SIL1: variants seen among roughly 807,000 people sequenced by gnomAD.
SIL1 encodes the protein nucleotide exchange factor SIL1.
SIL1 carries 40 observed loss-of-function variants against 49.1 expected under a neutral mutation model. That is an observed-to-expected ratio of 0.81 (90% CI 0.63 to 1.06). The LOEUF (loss-of-function observed/expected upper bound fraction) is 1.06. SIL1 is among the 50% of genes least tolerant of loss of function. SIL1 has a pLI of 0.00. For synonymous variants in SIL1, 253 were observed against 250.8 expected (o/e 1.01, Z -0.08); for missense variants, 500 against 572.6 (o/e 0.87, Z 1.29).
At chr5:139,102,154 G>A (rs895780105) in intron 3 of SIL1, among the ~76,000 whole-genome samples, 1 of 152,198 alleles carries the variant, frequency 6.6e-6, no homozygotes, top group South Asian at 2.1e-4. Context: ...TAAGAATTAA[G>A]TATAATTTGG....
chr5:139,043,212 G>T (rs1265636256), intron 4 of SIL1, among the ~76,000 whole-genome samples: 1 of 152,210 alleles, frequency 6.6e-6, no homozygotes, highest in African/African-American at 2.4e-5. Flanking sequence ...GGAAGCAATG[G>T]CATGGGGCAG....
At position 138,995,189 on chromosome 5, in the gene SIL1, T is replaced by G. The variant is rs181409103; in HGVS notation, c.767+25982A>C. On this transcript the variant is annotated intron_variant, in intron 7 of 9. Coordinates refer to ENST00000394817, the MANE Select transcript of SIL1 (RefSeq NM_022464.5). The stretch of plus-strand genomic sequence containing the variant: ...GGGATACATGTGCTATTTATTACAT[T>G]CATATAATTTGTAAATATCAAATCA... Among the ~76,000 whole-genome samples, 61 of 152,318 alleles carry G rather than the reference T, an allele frequency of 4.0e-4. No homozygotes were observed. The East Asian group carries it at 0.012, about 29-fold the overall frequency.
chr5:138,977,666 C>G (rs1302393093), intron 7 of SIL1, among the ~76,000 whole-genome samples: 1 of 152,096 alleles, frequency 6.6e-6, no homozygotes, highest in Non-Finnish European at 1.5e-5. Flanking sequence ...AAATGTAAAT[C>G]AGATCTTGTT....
chr5:139,134,114 T>A (rs1434185454), intron 1 of SIL1, among the ~76,000 whole-genome samples: 1 of 152,176 alleles, frequency 6.6e-6, no homozygotes. Flanking sequence ...CATTTTTTTA[T>A]TAGTTGTTTT....
chr5:139,174,682 A>C (rs745346219), intron 1 of SIL1, among the ~76,000 whole-genome samples: 7 of 152,046 alleles, frequency 4.6e-5, no homozygotes, highest in Non-Finnish European at 7.4e-5. Context: ...CTCAGCCTGT[A>C]ATCCCAGCAC....
At chr5:139,132,660 G>A (rs554541870) in intron 1 of SIL1, among the ~76,000 whole-genome samples, 1 of 152,302 alleles carries the variant, frequency 6.6e-6, no homozygotes, top group African/African-American at 2.4e-5. Flanking sequence ...GGCATCCAGA[G>A]AGCAAGAGCA....
intron 1 of SIL1, among the ~76,000 whole-genome samples, chr5:139,171,222 G>A (rs1406138852): frequency 1.6e-4 from 25 of 152,274 alleles, no homozygotes; most frequent in East Asian, 5.8e-4. Flanking sequence ...CATTGAGAAC[G>A]GGCCGGGATG....
chr5:139,064,971 C>T (rs1207389862), intron 3 of SIL1, among the ~76,000 whole-genome samples: 1 of 152,180 alleles, frequency 6.6e-6, no homozygotes, highest in Non-Finnish European at 1.5e-5. Context: ...GCTCTTGCCT[C>T]TCTGTGACTT....
intron 3 of SIL1, among the ~76,000 whole-genome samples, chr5:139,083,122 G>A (rs1016338858): frequency 6.6e-6 from 1 of 152,156 alleles, no homozygotes; most frequent in Non-Finnish European, 1.5e-5. Context: ...CCTGAGGCTT[G>A]ATGTGAGCTT....
chr5:139,121,232 A>G (rs1030412008), intron 2 of SIL1, 59 bp from the exon 3 acceptor site: 2 of 1,611,936 alleles, frequency 1.2e-6, no homozygotes, highest in African/African-American at 2.7e-5. Context: ...TAAGCAGAAA[A>G]AAAATGGCCT....
rs1333573821 is a variant in SIL1 at position 139,082,573 on chromosome 5, AGACTGG to A, written c.245-31533_245-31528del. Reference sequence around the variant, plus strand: ...TAAAGCTCAAAAGAGAAATTGGTGGAGACTGGTATAATAATGGATTCCCTAAGGGCT... The same window carrying A: ...TAAAGCTCAAAAGAGAAATTGGTGGATATAATAATGGATTCCCTAAGGGCT... On this transcript the variant is annotated intron_variant, in intron 3 of 9. Coordinates refer to ENST00000394817, the MANE Select transcript of SIL1 (RefSeq NM_022464.5). Among the ~76,000 whole-genome samples the A allele has an allele frequency of 8.5e-5, 13 of 152,336 alleles. No individual in the cohort carries two copies. In the East Asian group the frequency reaches 2.5e-3, roughly 29 times the overall value.
chr5:138,949,450 G>GGACA (rs1472431099), intron 9 of SIL1, among the ~76,000 whole-genome samples: 1 of 152,174 alleles, frequency 6.6e-6, no homozygotes, highest in Non-Finnish European at 1.5e-5. Context: ...CCATCGTGGT[G>GGACA]GACAGCTCAT....
intron 3 of SIL1, among the ~76,000 whole-genome samples, chr5:139,098,807 CTCTTT>C (rs1770523322): frequency 8.7e-6 from 1 of 115,464 alleles, no homozygotes; most frequent in South Asian, 3.0e-4. Context: ...ACTTTTCTTA[CTCTTT>C]TTTTTTTTTT....
chr5:139,047,238 G>T (rs1031906681), intron 4 of SIL1, among the ~76,000 whole-genome samples: 12 of 152,190 alleles, frequency 7.9e-5, no homozygotes, highest in African/African-American at 2.2e-4. Flanking sequence ...CGTTGACAGG[G>T]ATATGGACTA....
chr5:138,953,818 G>A (rs1245938081), intron 7 of SIL1, among the ~76,000 whole-genome samples: 1 of 152,248 alleles, frequency 6.6e-6, no homozygotes. Flanking sequence ...ACCACGCTGA[G>A]AGATTCACAC....
At position 138,988,043 on chromosome 5, in the gene SIL1, G is replaced by C. The variant is rs112925377; in HGVS notation, c.767+33128C>G. Among the ~76,000 whole-genome samples, 45 of 152,322 alleles carry C rather than the reference G, an allele frequency of 3.0e-4. 1 individual carries two copies. Among genetic ancestry groups the C allele is most frequent in the African/African-American group, 9.4e-4 (39 of 41,572 alleles). On this transcript the variant is annotated intron_variant, in intron 7 of 9. Transcript: ENST00000394817. ...AGACAGGGTTTCACCATGTTGGCCA[G>C]CCTGGTCTCAAACTCCTGACCTCAG... is the stretch of plus-strand genomic sequence containing the variant.
intron 3 of SIL1, among the ~76,000 whole-genome samples, chr5:139,112,741 G>A (rs1418512288): frequency 1.4e-5 from 2 of 147,736 alleles, no homozygotes; most frequent in African/African-American, 5.0e-5. Context: ...CTGCCCGGCC[G>A]CCCCTTCTGG....
At chr5:139,158,416 T>C (rs1051747909) in intron 1 of SIL1, among the ~76,000 whole-genome samples, 4 of 152,220 alleles carry the variant, frequency 2.6e-5, no homozygotes, top group African/African-American at 9.7e-5. Context: ...GAGAGAATCA[T>C]CTTGAAAATG....
At chr5:139,085,395 T>C (rs1770195715) in intron 3 of SIL1, among the ~76,000 whole-genome samples, 1 of 152,176 alleles carries the variant, frequency 6.6e-6, no homozygotes, top group Non-Finnish European at 1.5e-5. Flanking sequence ...ATAAGAACAG[T>C]GGCTTTGAAA....
Sources: gnomAD v4.1 joint callset for allele counts (sites outside exome capture counted in the v4.1 genomes callset) on GRCh38, gnomAD v4.1.1 for gene constraint, MANE v1.5 for transcripts, NCBI Gene and HGNC (gene_info 2026-07-23, HGNC 2026-07-21) for gene names.